The following MIPEP variants were observed in gnomAD, a reference collection of about 807,000 sequenced individuals.
The protein encoded by MIPEP is mitochondrial intermediate peptidase.
In MIPEP, 79 loss-of-function variants were observed where a neutral mutation model predicts 90.3. The ratio of observed to expected loss-of-function variants is 0.87; its 90% CI spans 0.73 to 1.05. MIPEP has a LOEUF of 1.05. MIPEP is among the 50% of genes least tolerant of loss of function. The pLI is 0.00. For synonymous variants in MIPEP, 334 were observed against 315.8 expected (o/e 1.06, Z -0.61); for missense variants, 940 against 905.6 (o/e 1.04, Z -0.49).
In MIPEP at chr13:23,880,396, C is replaced by A. The variant is rs529367940; in HGVS notation, c.453-1042G>T. On this transcript the variant is annotated intron_variant, in intron 3 of 18. Transcript: ENST00000382172. ...AAGGAACAGTAGCTCAGAGGCTGCC[C>A]GCACTGCCCCCACTGCAGAGGTTTA... Among the ~76,000 whole-genome samples, 9 of 152,336 alleles carry A rather than the reference C, an allele frequency of 5.9e-5. No individual in the cohort carries two copies. The East Asian group carries it at 1.5e-3, about 26-fold the overall frequency.
chr13:23,886,916 T>C (rs910393078), intron 1 of MIPEP, among the ~76,000 whole-genome samples: 1 of 152,112 alleles, frequency 6.6e-6, no homozygotes, highest in Admixed American at 6.5e-5. Context: ...CTTATAACCC[T>C]GGTCATGTTA....
chr13:23,777,694 T>C lies in MIPEP; in HGVS notation c.1849-17477A>G, dbSNP rs1247426336. ...TTAGTCCAATAGACTAGTTTGAGAT[T>C]GACTCCACTGCAGTAATCATGTTTA... On this transcript the variant is annotated intron_variant, in intron 16 of 18. Transcript: ENST00000382172. Among the ~76,000 whole-genome samples, 5 of 152,304 alleles carry C rather than the reference T, an allele frequency of 3.3e-5. No individual in the cohort carries two copies. The South Asian group carries it at 6.2e-4, about 19-fold the overall frequency.
At position 23,854,696 on chromosome 13, in the gene MIPEP, A is replaced by C. The variant is rs372232121; in HGVS notation, c.1106+4164T>G. Among the ~76,000 whole-genome samples, 33 of 152,186 alleles carry C rather than the reference A, an allele frequency of 2.2e-4. No individual in the cohort carries two copies. In the East Asian group the frequency reaches 6.4e-3, roughly 29 times the overall value. ...CACTTGAGGCTAGGAATCTGAGATC[A>C]GCCTGGCCAAAACGGTGAAACTCTG... On this transcript the variant is annotated intron_variant, in intron 10 of 18. Transcript: ENST00000382172.
chr13:23,881,619 C>G (rs1031325932), intron 3 of MIPEP, 80 bp downstream of exon 3: 2 of 1,266,554 alleles, frequency 1.6e-6, no homozygotes, highest in African/African-American at 3.0e-5. Flanking sequence ...GCGCTATGGA[C>G]AAAACTGCCT....
At chr13:23,838,013 T>C (rs956239060) in intron 12 of MIPEP, among the ~76,000 whole-genome samples, 3 of 152,184 alleles carry the variant, frequency 2.0e-5, no homozygotes, top group Non-Finnish European at 2.9e-5. Context: ...AAAACATGCA[T>C]TGAAATGATG....
chr13:23,868,269 C>T (rs2137513765), intron 7 of MIPEP, among the ~76,000 whole-genome samples: 1 of 152,144 alleles, frequency 6.6e-6, no homozygotes, highest in South Asian at 2.1e-4. Flanking sequence ...AAGCTGCTCT[C>T]CATAGGAGAG....
intron 2 of MIPEP, among the ~76,000 whole-genome samples, chr13:23,883,972 T>C (rs904530680): frequency 1.1e-4 from 16 of 152,216 alleles, no homozygotes; most frequent in African/African-American, 2.9e-4. Context: ...TAAGATACTT[T>C]ATCAGTTTTC....
intron 10 of MIPEP, among the ~76,000 whole-genome samples, chr13:23,847,797 T>C (rs1421776462): frequency 1.3e-5 from 2 of 152,186 alleles, no homozygotes; most frequent in African/African-American, 2.4e-5. Context: ...GAGATGGTGA[T>C]TGTGATAAAG....
chr13:23,847,693 T>G (rs1869611759), intron 10 of MIPEP, among the ~76,000 whole-genome samples: 1 of 152,130 alleles, frequency 6.6e-6, no homozygotes, highest in Non-Finnish European at 1.5e-5. Context: ...CCACAGTCTC[T>G]CCAACTGTCA....
intron 16 of MIPEP, among the ~76,000 whole-genome samples, chr13:23,790,163 T>A (rs1565994807): frequency 6.6e-6 from 1 of 152,164 alleles, no homozygotes; most frequent in Non-Finnish European, 1.5e-5. Context: ...TCACTGCCAG[T>A]TCCTTCTCCT....
At chr13:23,793,529 C>T (rs1952922667) in intron 16 of MIPEP, among the ~76,000 whole-genome samples, 1 of 151,884 alleles carries the variant, frequency 6.6e-6, no homozygotes, top group Admixed American at 6.6e-5. Context: ...TACATTATAT[C>T]TCAATAAAAA....
intron 13 of MIPEP, among the ~76,000 whole-genome samples, chr13:23,836,945 A>C (rs1236381468): frequency 6.6e-6 from 1 of 152,234 alleles, no homozygotes; most frequent in Non-Finnish European, 1.5e-5. Flanking sequence ...AAGTTAGTTA[A>C]CAAATGCTGG....
intron 15 of MIPEP, among the ~76,000 whole-genome samples, chr13:23,806,718 ATC>A (rs1953113063): frequency 1.6e-4 from 17 of 104,856 alleles, no homozygotes; most frequent in Admixed American, 8.6e-4. Flanking sequence ...AAAAATCTAT[ATC>A]TATCTATCTA....
At chr13:23,865,771 A>C (rs1870506295) in intron 7 of MIPEP, among the ~76,000 whole-genome samples, 1 of 151,568 alleles carries the variant, frequency 6.6e-6, no homozygotes, top group African/African-American at 2.4e-5. Context: ...CCAGGGTTCA[A>C]TCGATTCTCC....
chr13:23,769,955 T>C (rs1952631760), intron 16 of MIPEP, among the ~76,000 whole-genome samples: 1 of 152,152 alleles, frequency 6.6e-6, no homozygotes, highest in Non-Finnish European at 1.5e-5. Flanking sequence ...ACCCTTGCCA[T>C]GTGAGGCCCT....
chr13:23,815,761 T>A (rs757201346), intron 14 of MIPEP, among the ~76,000 whole-genome samples: 2 of 152,218 alleles, frequency 1.3e-5, no homozygotes, highest in Non-Finnish European at 2.9e-5. Context: ...AATAAAGTAA[T>A]GTGCTAGTAA....
intron 16 of MIPEP, among the ~76,000 whole-genome samples, chr13:23,774,739 T>C (rs1952692725): frequency 6.6e-6 from 1 of 151,724 alleles, no homozygotes; most frequent in South Asian, 2.1e-4. Context: ...AATTTTTGCA[T>C]ATTGATCTCA....
At chr13:23,843,948 A>C (rs1217517889) in intron 10 of MIPEP, among the ~76,000 whole-genome samples, 1 of 152,174 alleles carries the variant, frequency 6.6e-6, no homozygotes, top group Admixed American at 6.5e-5. Context: ...CAAAAAAGGA[A>C]GAGGGGAATC....
In MIPEP at chr13:23,809,839, T is replaced by C. The variant is rs1383128962; in HGVS notation, c.1728+11A>G. 1.3e-6 allele frequency: 2 copies of C among 1,586,436 alleles called. No individual in the cohort carries two copies. Among genetic ancestry groups the C allele is most frequent in the Admixed American group, 3.3e-5 (2 of 59,718 alleles). On this transcript the variant is annotated intron_variant, in intron 15 of 18. Transcript: ENST00000382172. ...ACTCCGGAAAACTTCAGAACAAAGG[T>C]ACATACATACCTGAAGTTGCATATC... is the stretch of plus-strand genomic sequence containing the variant.
Sources: gnomAD v4.1 joint callset for allele counts (sites outside exome capture counted in the v4.1 genomes callset) on GRCh38, gnomAD v4.1.1 for gene constraint, MANE v1.5 for transcripts, NCBI Gene and HGNC (gene_info 2026-07-23, HGNC 2026-07-21) for gene names.